The following PKD1 variants were observed in gnomAD, a reference collection of about 807,000 sequenced individuals.
PKD1 encodes the protein polycystin 1, transient receptor potential channel interacting.
Under a neutral mutation model 361.7 loss-of-function variants are expected in PKD1, and 81 were observed. The ratio of observed to expected loss-of-function variants is 0.22; its 90% CI spans 0.19 to 0.27. PKD1 has a LOEUF of 0.27. Among genes scored for constraint, PKD1 ranks in the 10% least tolerant of loss-of-function variants. The probability of loss-of-function intolerance (pLI) is 1.00; values close to 1 mark genes in which losing one functional copy is unlikely to be tolerated. For missense variants in PKD1, 6,399 were observed against 6,118.3 expected (o/e 1.05, Z -1.53); for synonymous variants, 3,615 against 2,818.3 (o/e 1.28, Z -8.95).
At chr16:2,134,684 G>C (rs548808581) in intron 1 of PKD1, among the ~76,000 whole-genome samples, 1 of 149,780 alleles carries the variant, frequency 6.7e-6, no homozygotes, top group East Asian at 2.0e-4. Context: ...AAATCTCCAC[G>C]GTCCCTATGC....
chr16:2,135,615 G>C lies in PKD1; in HGVS notation c.75C>G (p.Gly25=). The change falls in exon 1 of 46, where the codon GGC becomes GGG. Residue 25 remains glycine, a synonymous_variant. Coordinates refer to ENST00000262304, the MANE Select transcript of PKD1 (RefSeq NM_001009944.3). ...CGCAGGGCCCGCAGCCGCGCCCGGG[G>C]CCCCCCGCCAGCGCCCCGAGCCACA... is the stretch of plus-strand genomic sequence containing the variant. ...LGLWLGALAG[G]PGRGCGPCEP... The C allele has an allele frequency of 4.1e-6, 4 of 987,030 alleles. No homozygotes were observed. The highest frequency in any genetic ancestry group is 4.8e-6 in the Non-Finnish European group (4 of 829,362). The allele number at this position is 987,030 out of a possible 1,614,324, so 61.1% of individuals were successfully genotyped here.
Position 2,091,118 on chromosome 16 carries a change from G to T in PKD1, c.11769C>A (p.His3923Gln). ...HFAVAEARTW[H>Q]REGRWRVLRL... is the part of the protein sequence containing the mutation. ...GCAGCACGCGCCAGCGCCCTTCCCT[G>T]TGCCAAGTACGGGCCTCGGCCACGG... Residue 3923 changes from histidine (H) to glutamine (Q), a missense_variant, in exon 43 of 46, where the codon CAC (histidine) becomes CAA (glutamine). Coordinates refer to ENST00000262304, the MANE Select transcript of PKD1 (RefSeq NM_001009944.3). 10 of 1,492,588 alleles carry T rather than the reference G, an allele frequency of 6.7e-6. No individual in the cohort carries two copies. The highest frequency in any genetic ancestry group is 8.9e-6 in the Non-Finnish European group (10 of 1,127,696). The allele number at this position is 1,492,588 out of a possible 1,614,324, so 92.5% of individuals were successfully genotyped here. A position where few individuals can be genotyped will look rare whatever the true frequency, so the allele number is the denominator to read the frequency against.
intron 1 of PKD1, among the ~76,000 whole-genome samples, chr16:2,125,132 G>A (rs1212192407): frequency 5.3e-5 from 8 of 152,256 alleles, no homozygotes; most frequent in Non-Finnish European, 1.2e-4. Flanking sequence ...TCTATTTAAG[G>A]AGAGTGAGGC....
chr16:2,114,085 G>A, intron 11 of PKD1, 85 bp downstream of exon 11: 1 of 1,153,644 alleles, frequency 8.7e-7, no homozygotes, highest in Non-Finnish European at 1.3e-6. Flanking sequence ...GCCCTCACTG[G>A]GAAGCCAGGC....
At position 2,102,642 on chromosome 16, in the gene PKD1, G is replaced by T; in HGVS notation, c.8949-9C>A. 2 of 1,610,932 alleles carry T rather than the reference G, an allele frequency of 1.2e-6. No individual in the cohort carries two copies. Among genetic ancestry groups the T allele is most frequent in the East Asian group, 4.5e-5 (2 of 44,886 alleles). On this transcript the variant is annotated splice_polypyrimidine_tract_variant and intron_variant, in intron 24 of 45. Coordinates refer to ENST00000262304, the MANE Select transcript of PKD1 (RefSeq NM_001009944.3). ...CCGCTGGGTCTCTGCTCCTGGGCAG[G>T]GAAGGGGTAGCGGACGTGAGCCCAG...
chr16:2,116,855 G>A lies in PKD1; in HGVS notation c.1584C>T (p.Tyr528=). The change falls in exon 7 of 46, where the codon TAC becomes TAT. Residue 528 remains tyrosine, a synonymous_variant. Coordinates refer to ENST00000262304, the MANE Select transcript of PKD1 (RefSeq NM_001009944.3). ...CACCTCCGGGCTGCAGCTCGCAGACGTAGCTGTGCGGCGCTGAGCACAGGT... is the reference window on the plus strand; with the variant it reads ...CACCTCCGGGCTGCAGCTCGCAGACATAGCTGTGCGGCGCTGAGCACAGGT... The part of the protein sequence containing the change: ...NTDLCSAPHS[Y]VCELQPGGPV... 1.3e-6 allele frequency: 2 copies of A among 1,529,252 alleles called. No homozygotes were observed. Among genetic ancestry groups the A allele is most frequent in the East Asian group, 2.4e-5 (1 of 41,118 alleles). 94.7% of individuals were successfully genotyped at this position (1,529,252 alleles called of 1,614,324 possible). A position where few individuals can be genotyped will look rare whatever the true frequency, so the allele number is the denominator to read the frequency against.
intron 39 of PKD1, 124 bp downstream of exon 39, chr16:2,092,356 C>G: frequency 1.0e-6 from 1 of 971,878 alleles, no homozygotes; most frequent in Non-Finnish European, 1.6e-6. Context: ...GAGAAGGAAA[C>G]GGCGGTGTTA....
rs1215858552 is a variant in PKD1 at position 2,115,635 on chromosome 16, G to C, written c.1850-10C>G. 8 of 1,597,476 alleles carry C rather than the reference G, an allele frequency of 5.0e-6. No homozygotes were observed. Among genetic ancestry groups the C allele is most frequent in the Non-Finnish European group, 6.0e-6 (7 of 1,176,186 alleles). On this transcript the variant is annotated splice_polypyrimidine_tract_variant and intron_variant, in intron 9 of 45. Coordinates refer to ENST00000262304, the MANE Select transcript of PKD1 (RefSeq NM_001009944.3). ...CCGTTCTCCGGGGTCCCTGTGAGGA[G>C]GGGAGGGTGTTGGGGCCCTGATTTG...
intron 11 of PKD1, chr16:2,113,656 C>T (rs986454102): frequency 3.2e-5 from 13 of 404,744 alleles, no homozygotes; most frequent in African/African-American, 1.4e-4. Flanking sequence ...GAGGCACCTA[C>T]ACTGGCTTAC....
Position 2,089,668 on chromosome 16 carries a change from A to G in PKD1, c.*59T>C. 1 of 1,544,300 alleles carries G rather than the reference A, an allele frequency of 6.5e-7. No individual in the cohort carries two copies. Among genetic ancestry groups the G allele is most frequent in the Non-Finnish European group, 8.7e-7 (1 of 1,143,572 alleles). On this transcript the variant is annotated 3_prime_UTR_variant, in exon 46 of 46. Coordinates refer to ENST00000262304, the MANE Select transcript of PKD1 (RefSeq NM_001009944.3). Reference sequence around the variant, plus strand: ...GGCCCTCGGCCTTGACAGCGGCAGAAAGTAATACTGAGCGGTGTCCACTCC... The same window carrying G: ...GGCCCTCGGCCTTGACAGCGGCAGAGAGTAATACTGAGCGGTGTCCACTCC...
At chr16:2,099,418 C>T in intron 30 of PKD1, 2 of 632,276 alleles carry the variant, frequency 3.2e-6, no homozygotes, top group East Asian at 6.1e-5. Flanking sequence ...TCCGTGGCGT[C>T]TGCTTAGCAA....
intron 1 of PKD1, chr16:2,119,957 T>C (rs2092694239): frequency 1.6e-6 from 1 of 621,700 alleles, no homozygotes; most frequent in Non-Finnish European, 2.9e-6. Context: ...CACACGCCGG[T>C]AACACAGCAC....
intron 1 of PKD1, among the ~76,000 whole-genome samples, chr16:2,124,810 G>A (rs1346144149): frequency 5.3e-5 from 8 of 152,210 alleles, no homozygotes; most frequent in Admixed American, 2.0e-4. Flanking sequence ...GGACCGGCTC[G>A]GAGGGGCCGC....
rs568056589 is a variant in PKD1, at chr16:2,088,938, A to C, written c.*789T>G. ...ACCCTGGGAGCCAGCCCCCAGGAGG[A>C]GTCTTTTCCTCTAACCACCCTGGGG... On this transcript the variant is annotated 3_prime_UTR_variant, in exon 46 of 46. Coordinates refer to ENST00000262304, the MANE Select transcript of PKD1 (RefSeq NM_001009944.3). 45 of 374,846 alleles carry C rather than the reference A, an allele frequency of 1.2e-4. No homozygotes were observed. The highest frequency in any genetic ancestry group is 1.9e-4 in the South Asian group (7 of 36,508). 23.2% of individuals were successfully genotyped at this position (374,846 alleles called of 1,614,324 possible).
intron 1 of PKD1, among the ~76,000 whole-genome samples, chr16:2,133,948 G>A (rs1194531372): frequency 2.6e-5 from 4 of 151,002 alleles, no homozygotes; most frequent in Admixed American, 1.3e-4. Flanking sequence ...GCAGCCACCA[G>A]CGCCCTTCTC....
rs1359688992 is a variant in PKD1 at position 2,091,087 on chromosome 16, C to G, written c.11800G>C (p.Gly3934Arg). 6.6e-7 allele frequency: 1 copy of G among 1,506,240 alleles called. No homozygotes were observed. Among genetic ancestry groups the G allele is most frequent in the South Asian group, 1.2e-5 (1 of 82,254 alleles). 93.3% of individuals were successfully genotyped at this position (1,506,240 alleles called of 1,614,324 possible). Residue 3934 changes from glycine (G) to arginine (R), a missense_variant, in exon 43 of 46, where the codon GGA (glycine) becomes CGA (arginine). Coordinates refer to ENST00000262304, the MANE Select transcript of PKD1 (RefSeq NM_001009944.3). ...REGRWRVLRLGAWARWLLVAL... is the reference protein window; with the variant it reads ...REGRWRVLRLRAWARWLLVAL... Reference sequence around the variant, plus strand: ...ACCAGCAGCCACCGCGCCCAGGCTCCGAGCCGCAGCACGCGCCAGCGCCCT... The same window carrying G: ...ACCAGCAGCCACCGCGCCCAGGCTCGGAGCCGCAGCACGCGCCAGCGCCCT...
rs577278719 is a variant in PKD1, at chr16:2,120,259, C to G, written c.216-881G>C. ...AATTAATAAATAAAACATCAAAGAC[C>G]AGCCGACCTAACTCCATCTAAAATA... On this transcript the variant is annotated intron_variant, in intron 1 of 45. Transcript: ENST00000262304. 2.1e-5 allele frequency: 4 copies of G among 189,858 alleles called. No homozygotes were observed. The East Asian group carries it at 5.0e-4, about 24-fold the overall frequency. The allele number at this position is 189,858 out of a possible 1,614,324, so 11.8% of individuals were successfully genotyped here.
intron 1 of PKD1, chr16:2,133,074 T>G (rs1596630643): frequency 8.5e-6 from 1 of 118,340 alleles, no homozygotes; most frequent in Admixed American, 9.6e-5. Context: ...AAGAGTGAAC[T>G]CTGTCTCAAA....
chr16:2,092,722 C>A, intron 38 of PKD1, 130 bp from the exon 39 acceptor site: 1 of 851,446 alleles, frequency 1.2e-6, no homozygotes, highest in Non-Finnish European at 1.9e-6. Flanking sequence ...GGCTTCTCAG[C>A]CTTATCCTGG....
Sources: allele counts gnomAD v4.1 joint callset (sites outside exome capture counted in the v4.1 genomes callset), GRCh38; gene constraint gnomAD v4.1.1; transcripts MANE v1.5; gene names NCBI Gene and HGNC (gene_info 2026-07-23, HGNC 2026-07-21).